ADAMTSL3: variants seen among roughly 807,000 people sequenced by gnomAD.
ADAMTSL3 encodes the protein ADAMTS like 3.
ADAMTSL3 carries 128 observed loss-of-function variants against 201.7 expected under a neutral mutation model. That is an observed-to-expected ratio of 0.63 (90% CI 0.55 to 0.73). The LOEUF is 0.73. Ranked by LOEUF, ADAMTSL3 falls within the 30% of genes least tolerant of loss-of-function variation. ADAMTSL3 has a pLI of 0.00. For missense variants in ADAMTSL3, 1,990 were observed against 2,119.6 expected (o/e 0.94, Z 1.20); for synonymous variants, 738 against 748.4 (o/e 0.99, Z 0.23).
At chr15:83,700,207 T>G (rs913269251) in intron 2 of ADAMTSL3, among the ~76,000 whole-genome samples, 2 of 152,226 alleles carry the variant, frequency 1.3e-5, no homozygotes, top group African/African-American at 4.8e-5. Context: ...CTGCTTCCAC[T>G]CTGGTAAATG....
chr15:83,688,455 A>C (rs1223956818), intron 2 of ADAMTSL3, among the ~76,000 whole-genome samples: 1 of 152,250 alleles, frequency 6.6e-6, no homozygotes, highest in East Asian at 1.9e-4. Context: ...AAATATGTTC[A>C]AAAACTCCAG....
chr15:83,956,105 C>T (rs528689615), intron 19 of ADAMTSL3, among the ~76,000 whole-genome samples: 38 of 152,294 alleles, frequency 2.5e-4, no homozygotes, highest in African/African-American at 9.1e-4. Flanking sequence ...CTGGAATAGG[C>T]ACTTCCCCTC....
At chr15:83,899,866 G>C in intron 15 of ADAMTSL3, 135 bp downstream of exon 15, 1 of 1,195,362 alleles carries the variant, frequency 8.4e-7, no homozygotes, top group Non-Finnish European at 1.1e-6. Context: ...TAGAGAGCTT[G>C]AGCTGGCTAG....
At chr15:83,996,344 G>A (rs919917099) in intron 23 of ADAMTSL3, among the ~76,000 whole-genome samples, 1 of 152,034 alleles carries the variant, frequency 6.6e-6, no homozygotes. Flanking sequence ...ACACTTTGCT[G>A]TTAAGATATA....
At chr15:83,830,027 A>T (rs1370123509) in intron 6 of ADAMTSL3, among the ~76,000 whole-genome samples, 1 of 152,054 alleles carries the variant, frequency 6.6e-6, no homozygotes, top group Non-Finnish European at 1.5e-5. Context: ...GAGAGGAAAC[A>T]GATCTTTTAC....
At position 83,982,268 on chromosome 15, in the gene ADAMTSL3, TGGAG is replaced by T; in HGVS notation, c.2645-4_2645-1del. 1 of 1,556,784 alleles carries T rather than the reference TGGAG, an allele frequency of 6.4e-7. No individual in the cohort carries two copies. Among genetic ancestry groups the T allele is most frequent in the Non-Finnish European group, 8.7e-7 (1 of 1,153,580 alleles). Reference sequence around the variant, plus strand: ...TTCTTTTCTTTCTTTTTTTTTTTCTTGGAGAAATCAAATCAGAGATGAAGACAAA... The same window carrying T: ...TTCTTTTCTTTCTTTTTTTTTTTCTTAAATCAAATCAGAGATGAAGACAAA... On this transcript the variant is annotated splice_acceptor_variant and splice_polypyrimidine_tract_variant and intron_variant, in intron 20 of 29. Transcript: ENST00000286744. LOFTEE classifies it high-confidence loss of function.
chr15:83,734,160 A>T (rs1646708222), intron 3 of ADAMTSL3, among the ~76,000 whole-genome samples: 1 of 152,192 alleles, frequency 6.6e-6, no homozygotes, highest in Non-Finnish European at 1.5e-5. Context: ...TCCAGATAGT[A>T]ATTTTTATGG....
Position 84,021,551 on chromosome 15 carries a change from T to G in ADAMTSL3, c.4415T>G (p.Leu1472Arg). 5 of 1,614,186 alleles carry G rather than the reference T, an allele frequency of 3.1e-6. No homozygotes were observed. Among genetic ancestry groups the G allele is most frequent in the Non-Finnish European group, 4.2e-6 (5 of 1,180,012 alleles). Residue 1472 changes from leucine (L) to arginine (R), a missense_variant, in exon 26 of 30, where the codon CTG becomes CGG. Leu to Arg is a moderately radical substitution (Grantham distance 102). Transcript: ENST00000286744. ...EALCDHLQKPLAGFEPCNIRD... is the reference protein window; with the variant it reads ...EALCDHLQKPRAGFEPCNIRD... ...CTGTGTGATCACCTCCAGAAGCCACTGGCTGGGTTTGAGCCCTGTAACATC... is the reference window on the plus strand; with the variant it reads ...CTGTGTGATCACCTCCAGAAGCCACGGGCTGGGTTTGAGCCCTGTAACATC...
At chr15:83,688,343 A>G (rs2061564758) in intron 2 of ADAMTSL3, among the ~76,000 whole-genome samples, 2 of 152,232 alleles carry the variant, frequency 1.3e-5, no homozygotes, top group Non-Finnish European at 2.9e-5. Flanking sequence ...ATGAAACAGC[A>G]AAGTGTGGCC....
At chr15:83,893,003 A>T (rs1038464166) in intron 13 of ADAMTSL3, 115 bp downstream of exon 13, 2 of 1,013,266 alleles carry the variant, frequency 2.0e-6, no homozygotes, top group African/African-American at 3.2e-5. Context: ...GTAAAAGAGC[A>T]TGGTTCCTAC....
chr15:83,859,225 G>A (rs2064805512), intron 8 of ADAMTSL3, among the ~76,000 whole-genome samples: 2 of 152,252 alleles, frequency 1.3e-5, no homozygotes, highest in Admixed American at 6.5e-5. Flanking sequence ...ATATCTTGAA[G>A]TGGGGGCTTA....
intron 17 of ADAMTSL3, among the ~76,000 whole-genome samples, chr15:83,928,916 T>G (rs917787331): frequency 6.6e-6 from 1 of 152,234 alleles, no homozygotes; most frequent in East Asian, 1.9e-4. Flanking sequence ...TAATATGAAC[T>G]TGAGATTCTT....
chr15:84,037,610 T>C, intron 29 of ADAMTSL3, 90 bp from the exon 30 acceptor site: 1 of 1,410,464 alleles, frequency 7.1e-7, no homozygotes. Flanking sequence ...CACTCTGTGA[T>C]CTCAATTTAT....
chr15:83,829,351 T>C (rs1340151925), intron 6 of ADAMTSL3, among the ~76,000 whole-genome samples: 1 of 152,238 alleles, frequency 6.6e-6, no homozygotes, highest in Non-Finnish European at 1.5e-5. Context: ...TAGTTTGTAT[T>C]TCTGTGGGAT....
At chr15:84,017,379 A>T (rs1477110548) in intron 25 of ADAMTSL3, among the ~76,000 whole-genome samples, 2 of 152,206 alleles carry the variant, frequency 1.3e-5, no homozygotes, top group Non-Finnish European at 2.9e-5. Flanking sequence ...GGCCTCCCAA[A>T]GTGCTGAGAT....
chr15:83,981,389 C>T (rs1031395324), intron 20 of ADAMTSL3, among the ~76,000 whole-genome samples: 4 of 152,246 alleles, frequency 2.6e-5, no homozygotes, highest in Non-Finnish European at 4.4e-5. Context: ...GCATTGGCTG[C>T]ACCTGCCCTT....
At chr15:84,017,308 G>A (rs977412716) in intron 25 of ADAMTSL3, among the ~76,000 whole-genome samples, 8 of 152,146 alleles carry the variant, frequency 5.3e-5, no homozygotes, top group Non-Finnish European at 1.2e-4. Context: ...TAGTGGAGAC[G>A]AGGTTTCACC....
intron 17 of ADAMTSL3, among the ~76,000 whole-genome samples, chr15:83,940,274 G>T (rs1259560210): frequency 1.2e-4 from 19 of 152,136 alleles, no homozygotes; most frequent in Admixed American, 1.2e-3. Context: ...GTTCCACTGT[G>T]GTCAGAAAAT....
At chr15:83,805,334 G>A (rs547932089) in intron 5 of ADAMTSL3, among the ~76,000 whole-genome samples, 1 of 152,308 alleles carries the variant, frequency 6.6e-6, no homozygotes, top group South Asian at 2.1e-4. Flanking sequence ...AAGGCAGGCA[G>A]ATCACTTTAG....
Sources: gnomAD v4.1 joint callset for allele counts (sites outside exome capture counted in the v4.1 genomes callset) on GRCh38, gnomAD v4.1.1 for gene constraint, MANE v1.5 for transcripts, NCBI Gene and HGNC (gene_info 2026-07-23, HGNC 2026-07-21) for gene names.